FGF1: variants seen among roughly 807,000 people sequenced by gnomAD.
The protein encoded by FGF1 is beta-endothelial cell growth factor.
Under a neutral mutation model 13.4 loss-of-function variants are expected in FGF1, and 9 were observed. The ratio of observed to expected loss-of-function variants is 0.67; its 90% CI spans 0.40 to 1.17. FGF1 has a LOEUF of 1.17. Among genes scored for constraint, FGF1 ranks in the 50% most tolerant of loss-of-function variants. FGF1 has a pLI of 0.01. For missense variants in FGF1, 156 were observed against 192.7 expected (o/e 0.81, Z 1.13); for synonymous variants, 93 against 79.0 (o/e 1.18, Z -0.94).
At chr5:142,694,012 C>A (rs2152072654) in intron 2 of FGF1, among the ~76,000 whole-genome samples, 1 of 151,130 alleles carries the variant, frequency 6.6e-6, no homozygotes, top group African/African-American at 2.4e-5. Context: ...GTGTTCATTT[C>A]TCTTGGGTCT....
chr5:142,619,565 T>C (rs879694135), intron 1 of FGF1, among the ~76,000 whole-genome samples: 2 of 152,234 alleles, frequency 1.3e-5, no homozygotes, highest in Non-Finnish European at 2.9e-5. Flanking sequence ...AGAATGTATT[T>C]AGTCCAAGCG....
chr5:142,676,886 C>T (rs1328562596), intron 1 of FGF1, among the ~76,000 whole-genome samples: 2 of 151,556 alleles, frequency 1.3e-5, no homozygotes, highest in Admixed American at 6.6e-5. Flanking sequence ...TAGAAAGATC[C>T]CCATTTTTAC....
At chr5:142,695,780 G>T (rs1294332434) in intron 2 of FGF1, among the ~76,000 whole-genome samples, 8 of 151,896 alleles carry the variant, frequency 5.3e-5, no homozygotes, top group African/African-American at 1.2e-4. Flanking sequence ...CAAGAATGGA[G>T]AATTCAAGCT....
chr5:142,651,476 T>C (rs1273030886), intron 1 of FGF1, among the ~76,000 whole-genome samples: 2 of 152,198 alleles, frequency 1.3e-5, no homozygotes, highest in African/African-American at 4.8e-5. Context: ...TTACAATCAA[T>C]GAAGCTATGT....
rs113945565 is a variant in FGF1, at chr5:142,659,152, A to AT, written c.-35+26804dup. ...CCTTGTTATAGTGAAACAGGCATGT[A>AT]TTTTTTTTTTTACAAATAAAAGATA... On this transcript the variant is annotated intron_variant, in intron 1 of 3. Coordinates refer to ENST00000337706, the MANE Select transcript of FGF1 (RefSeq NM_000800.5). 9.6e-4 allele frequency among the ~76,000 whole-genome samples: 135 copies of AT among 140,508 alleles called. 1 individual carries two copies. Among genetic ancestry groups the AT allele is most frequent in the African/African-American group, 2.2e-3 (84 of 38,788 alleles). 92.2% of individuals were successfully genotyped at this position (140,508 alleles called of 152,430 possible). A position where few individuals can be genotyped will look rare whatever the true frequency, so the allele number is the denominator to read the frequency against.
intron 1 of FGF1, among the ~76,000 whole-genome samples, chr5:142,646,299 CT>C (rs1283724056): frequency 1.4e-5 from 2 of 145,184 alleles, no homozygotes; most frequent in Non-Finnish European, 3.0e-5. Flanking sequence ...TCACTGCAAC[CT>C]CTGCTGCCTC....
At chr5:142,596,912 T>G (rs1755403983) in intron 3 of FGF1, among the ~76,000 whole-genome samples, 1 of 152,184 alleles carries the variant, frequency 6.6e-6, no homozygotes, top group Non-Finnish European at 1.5e-5. Flanking sequence ...ACAGACTAGA[T>G]AAGGCTATAT....
At chr5:142,652,455 G>A (rs187871329) in intron 1 of FGF1, among the ~76,000 whole-genome samples, 78 of 152,266 alleles carry the variant, frequency 5.1e-4, no homozygotes, top group African/African-American at 1.7e-3. Flanking sequence ...TGAAGAGAGC[G>A]CTGATTCATT....
chr5:142,606,924 C>T (rs250102), intron 2 of FGF1, among the ~76,000 whole-genome samples: 36,170 of 152,054 alleles, frequency 0.24, 4,816 homozygotes, highest in East Asian at 0.31. Context: ...TATTTTACTA[C>T]GTATGCATGA....
At chr5:142,690,404 A>G (rs1561772084), upstream of FGF1, among the ~76,000 whole-genome samples, 1 of 152,206 alleles carries the variant, frequency 6.6e-6, no homozygotes, top group Non-Finnish European at 1.5e-5. Context: ...TGCACATGAT[A>G]ACACTGCACT....
At chr5:142,673,428 C>T (rs1292619890) in intron 1 of FGF1, among the ~76,000 whole-genome samples, 1 of 152,194 alleles carries the variant, frequency 6.6e-6, no homozygotes, top group Non-Finnish European at 1.5e-5. Flanking sequence ...AGATGTTGGA[C>T]AAAGATCTTC....
rs376197834 is a variant in FGF1 at position 142,656,332 on chromosome 5, A to T, written c.-35+29625T>A. ...TTACTATGTATAAATATAGTAACCCACAATATCTTGATTAAAAAAAAAGCT... is the reference window on the plus strand; with the variant it reads ...TTACTATGTATAAATATAGTAACCCTCAATATCTTGATTAAAAAAAAAGCT... On this transcript the variant is annotated intron_variant, in intron 1 of 3. Coordinates refer to ENST00000337706, the MANE Select transcript of FGF1 (RefSeq NM_000800.5). Among the ~76,000 whole-genome samples the T allele has an allele frequency of 3.6e-4, 54 of 149,238 alleles. No homozygotes were observed. In the East Asian group the frequency reaches 6.1e-3, roughly 17 times the overall value.
chr5:142,608,526 A>T (rs34103569), intron 2 of FGF1, among the ~76,000 whole-genome samples: 10,728 of 137,546 alleles, frequency 0.078, 788 homozygotes, highest in East Asian at 0.18. Flanking sequence ...ACATATATAT[A>T]AATATATATA....
intron 1 of FGF1, among the ~76,000 whole-genome samples, chr5:142,666,423 C>T (rs1770375244): frequency 1.3e-5 from 2 of 152,068 alleles, no homozygotes; most frequent in African/African-American, 4.8e-5. Flanking sequence ...AATCCAGCAG[C>T]AGTGTGGTGT....
chr5:142,665,941 T>C (rs1400022451), intron 1 of FGF1, among the ~76,000 whole-genome samples: 1 of 152,132 alleles, frequency 6.6e-6, no homozygotes, highest in Non-Finnish European at 1.5e-5. Context: ...TCCCCCTAGG[T>C]TGGCTCTCTG....
intron 1 of FGF1, among the ~76,000 whole-genome samples, chr5:142,665,315 C>T (rs1770095315): frequency 1.3e-5 from 2 of 152,066 alleles, no homozygotes. Context: ...CCCTTCCATC[C>T]TCCGTTCTGG....
intron 1 of FGF1, among the ~76,000 whole-genome samples, chr5:142,643,296 TACACAC>T (rs57043408): frequency 6.7e-6 from 1 of 149,768 alleles, no homozygotes; most frequent in African/African-American, 2.4e-5. Flanking sequence ...GACTACAAAT[TACACAC>T]ACACACACAC....
intron 1 of FGF1, among the ~76,000 whole-genome samples, chr5:142,661,612 C>G (rs1769234382): frequency 6.6e-6 from 1 of 152,092 alleles, no homozygotes. Context: ...GGTAGCATAT[C>G]CATGCAAAAC....
At chr5:142,634,919 C>T (rs1171881126) in intron 1 of FGF1, among the ~76,000 whole-genome samples, 1 of 151,302 alleles carries the variant, frequency 6.6e-6, no homozygotes, top group Non-Finnish European at 1.5e-5. Flanking sequence ...AACAAACAGT[C>T]AGGCTGAGTA....
Sources: gnomAD v4.1 joint callset for allele counts (sites outside exome capture counted in the v4.1 genomes callset) on GRCh38, gnomAD v4.1.1 for gene constraint, MANE v1.5 for transcripts, NCBI Gene and HGNC (gene_info 2026-07-23, HGNC 2026-07-21) for gene names.